Variants in GFRA1 observed in about 807,000 individuals in gnomAD.
The protein encoded by GFRA1 is GDNF family receptor alpha 1.
Under a neutral mutation model 51.6 loss-of-function variants are expected in GFRA1, and 16 were observed. The ratio of observed to expected loss-of-function variants is 0.31; its 90% CI spans 0.21 to 0.47. The LOEUF is 0.47. GFRA1 is among the 20% of genes least tolerant of loss of function. The pLI is 1.00. For missense variants in GFRA1, 530 were observed against 594.3 expected (o/e 0.89, Z 1.13); for synonymous variants, 270 against 241.3 (o/e 1.12, Z -1.10).
intron 5 of GFRA1, among the ~76,000 whole-genome samples, chr10:116,205,359 C>T (rs1474881303): frequency 6.6e-6 from 1 of 151,964 alleles, no homozygotes; most frequent in African/African-American, 2.4e-5. Flanking sequence ...GGGTGGATCA[C>T]GAGGTCAGGA....
chr10:116,115,276 C>T (rs1157391886), intron 6 of GFRA1, among the ~76,000 whole-genome samples: 1 of 152,026 alleles, frequency 6.6e-6, no homozygotes, highest in East Asian at 1.9e-4. Flanking sequence ...TGTGGAGTCT[C>T]CCTGGGTGGA....
chr10:116,265,258 C>G (rs1243178778), intron 4 of GFRA1, among the ~76,000 whole-genome samples: 1 of 152,014 alleles, frequency 6.6e-6, no homozygotes, highest in Non-Finnish European at 1.5e-5. Flanking sequence ...ACTTTTCCTT[C>G]CAGCAAGTCA....
At chr10:116,089,078 C>CCA (rs1203178130) in intron 9 of GFRA1, among the ~76,000 whole-genome samples, 1 of 152,050 alleles carries the variant, frequency 6.6e-6, no homozygotes, top group African/African-American at 2.4e-5. Context: ...CAGGAAATCA[C>CCA]CACTTCTATC....
intron 5 of GFRA1, among the ~76,000 whole-genome samples, chr10:116,183,832 TGA>T (rs1373501795): frequency 2.0e-5 from 3 of 152,224 alleles, no homozygotes; most frequent in Non-Finnish European, 2.9e-5. Flanking sequence ...TCCTGAAGGC[TGA>T]GAGAGTGTTT....
chr10:116,177,577 G>A (rs565633275), intron 5 of GFRA1, among the ~76,000 whole-genome samples: 17 of 152,250 alleles, frequency 1.1e-4, no homozygotes, highest in African/African-American at 3.4e-4. Context: ...AACCCTGGGA[G>A]CAGATGAGAG....
At chr10:116,168,552 C>T (rs563997505) in intron 5 of GFRA1, among the ~76,000 whole-genome samples, 56 of 152,286 alleles carry the variant, frequency 3.7e-4, no homozygotes, top group Non-Finnish European at 7.2e-4. Flanking sequence ...ACTCCACTTG[C>T]TCATCAGGCC....
chr10:116,258,463 T>C (rs1428401669), intron 4 of GFRA1, among the ~76,000 whole-genome samples: 4 of 148,180 alleles, frequency 2.7e-5, no homozygotes, highest in Non-Finnish European at 5.9e-5. Context: ...AATGTATATA[T>C]GTAATATATA....
At chr10:116,255,630 T>C (rs1485546079) in intron 4 of GFRA1, 7 of 1,289,026 alleles carry the variant, frequency 5.4e-6, no homozygotes, top group East Asian at 5.6e-5. Context: ...ATGTGTTAGC[T>C]CACCTGGAAT....
chr10:116,079,417 C>T (rs1301272466), intron 9 of GFRA1, among the ~76,000 whole-genome samples: 2 of 152,072 alleles, frequency 1.3e-5, no homozygotes, highest in Non-Finnish European at 2.9e-5. Flanking sequence ...TTATATCTCC[C>T]TATGCTCCTT....
intron 9 of GFRA1, among the ~76,000 whole-genome samples, chr10:116,087,210 T>A (rs1054801752): frequency 2.0e-5 from 3 of 152,006 alleles, no homozygotes; most frequent in Non-Finnish European, 4.4e-5. Context: ...GACAGATCTG[T>A]GTTGGGGGCA....
rs1955553010 is a variant in GFRA1 at position 116,074,961 on chromosome 10, C to T, written c.1198-9335G>A. Among the ~76,000 whole-genome samples the T allele has an allele frequency of 2.6e-5, 4 of 152,150 alleles. No homozygotes were observed. In the South Asian group the frequency reaches 8.3e-4, roughly 32 times the overall value. On this transcript the variant is annotated intron_variant, in intron 9 of 10. Transcript: ENST00000355422. ...TGCTCAGAGGTATTCTCACAGGTTA[C>T]CCAGAACAAGAGAGCATATTTATAG...
Position 116,227,077 on chromosome 10 carries a change from T to A in GFRA1, c.419-15432A>T, listed in dbSNP as rs1382794568. On this transcript the variant is annotated intron_variant, in intron 4 of 10. Coordinates refer to ENST00000355422, the MANE Select transcript of GFRA1 (RefSeq NM_005264.8). Reference sequence around the variant, plus strand: ...CAGGGTTGGGAACTCCTGCTCTAAATTACTCTTTGAGCCACATGTCCAGGG... The same window carrying A: ...CAGGGTTGGGAACTCCTGCTCTAAAATACTCTTTGAGCCACATGTCCAGGG... Among the ~76,000 whole-genome samples, 5 of 152,262 alleles carry A rather than the reference T, an allele frequency of 3.3e-5. No individual in the cohort carries two copies. In the South Asian group the frequency reaches 8.3e-4, roughly 25 times the overall value.
chr10:116,122,850 G>C (rs1957703365), intron 6 of GFRA1, among the ~76,000 whole-genome samples: 1 of 152,170 alleles, frequency 6.6e-6, no homozygotes, highest in African/African-American at 2.4e-5. Context: ...CCCATCTTGA[G>C]GCAGGAACAA....
intron 5 of GFRA1, among the ~76,000 whole-genome samples, chr10:116,162,278 G>C (rs1482005373): frequency 2.0e-5 from 3 of 152,202 alleles, no homozygotes; most frequent in Non-Finnish European, 4.4e-5. Context: ...TCAGGGACTA[G>C]AGTCTAGGGA....
chr10:116,215,876 C>T (rs1006993516), intron 4 of GFRA1, among the ~76,000 whole-genome samples: 6 of 152,172 alleles, frequency 3.9e-5, no homozygotes, highest in African/African-American at 9.7e-5. Context: ...TGCCCACCCC[C>T]GGCTCCCTCT....
intron 5 of GFRA1, among the ~76,000 whole-genome samples, chr10:116,171,221 A>T (rs1320787093): frequency 6.6e-6 from 1 of 152,370 alleles, no homozygotes; most frequent in African/African-American, 2.4e-5. Context: ...ATGTTAATTT[A>T]TCATGAAAAA....
intron 5 of GFRA1, among the ~76,000 whole-genome samples, chr10:116,125,968 T>A (rs1352130257): frequency 1.3e-5 from 2 of 152,218 alleles, no homozygotes; most frequent in Non-Finnish European, 2.9e-5. Flanking sequence ...CATACAATCC[T>A]CCAAGAATGT....
At chr10:116,177,373 G>A (rs1190599918) in intron 5 of GFRA1, among the ~76,000 whole-genome samples, 9 of 152,176 alleles carry the variant, frequency 5.9e-5, no homozygotes, top group Non-Finnish European at 1.3e-4. Flanking sequence ...ACAGACACAG[G>A]AATGGCAGAC....
intron 4 of GFRA1, among the ~76,000 whole-genome samples, chr10:116,225,243 A>G (rs1350579090): frequency 6.6e-6 from 1 of 152,108 alleles, no homozygotes; most frequent in East Asian, 1.9e-4. Flanking sequence ...ACATGCTAAA[A>G]TGATATTTTG....
Sources: gnomAD v4.1 joint callset for allele counts (sites outside exome capture counted in the v4.1 genomes callset) on GRCh38, gnomAD v4.1.1 for gene constraint, MANE v1.5 for transcripts, NCBI Gene and HGNC (gene_info 2026-07-23, HGNC 2026-07-21) for gene names.